Variants in ZDHHC6 observed in about 807,000 individuals in gnomAD.
ZDHHC6 encodes zDHHC palmitoyltransferase 6.
ZDHHC6 carries 32 observed loss-of-function variants against 57.8 expected under a neutral mutation model. The observed-to-expected ratio is 0.55, with a 90% CI of 0.42 to 0.74. ZDHHC6 has a LOEUF of 0.74. ZDHHC6 is among the 30% of genes least tolerant of loss of function. ZDHHC6 has a pLI of 0.00. For missense variants in ZDHHC6, 433 were observed against 500.7 expected (o/e 0.86, Z 1.29); for synonymous variants, 128 against 158.0 (o/e 0.81, Z 1.42).
In ZDHHC6 at chr10:112,440,513, T is replaced by A. The variant is rs765509993; in HGVS notation, c.681+21A>T. 4 of 1,608,262 alleles carry A rather than the reference T, an allele frequency of 2.5e-6. No individual in the cohort carries two copies. The South Asian group carries it at 3.3e-5, about 13-fold the overall frequency. On this transcript the variant is annotated intron_variant, in intron 5 of 10. Transcript: ENST00000369405. ...TCCCAACAACTTGACACTTTTGACT[T>A]GAGGTAATTGAGATGCTTACCTGGA... is the stretch of plus-strand genomic sequence containing the variant.
At chr10:112,433,628 T>TTTTTTC (rs1845245807) in intron 7 of ZDHHC6, 1 of 204,532 alleles carries the variant, frequency 4.9e-6, no homozygotes, top group South Asian at 1.9e-4. Context: ...TGTAGAGACA[T>TTTTTTC]GGCAGACAAA....
chr10:112,433,705 T>C (rs1845256374), intron 7 of ZDHHC6: 1 of 157,560 alleles, frequency 6.3e-6, no homozygotes, highest in South Asian at 2.0e-4. Flanking sequence ...ATAACTTAAT[T>C]TGACATAGCT....
downstream of ZDHHC6, chr10:112,426,693 C>T: frequency 9.3e-7 from 1 of 1,076,210 alleles, no homozygotes; most frequent in Non-Finnish European, 1.4e-6. Flanking sequence ...TGCTTTCATA[C>T]TGCATGGCTT....
rs1159350843 is a variant in ZDHHC6, at chr10:112,440,703, A to C, written c.520-8T>G. ...GTTCCACCCAAAGGAGAGCTATCGC[A>C]GCAACAATAGCACACGCACAAAATG... is the stretch of plus-strand genomic sequence containing the variant. On this transcript the variant is annotated splice_polypyrimidine_tract_variant and splice_region_variant and intron_variant, in intron 4 of 10. Coordinates refer to ENST00000369405, the MANE Select transcript of ZDHHC6 (RefSeq NM_022494.3). The C allele has an allele frequency of 5.6e-6, 9 of 1,609,478 alleles. No individual in the cohort carries two copies. The highest frequency in any genetic ancestry group is 7.6e-6 in the Non-Finnish European group (9 of 1,177,092).
Position 112,430,771 on chromosome 10 carries a change from C to T in ZDHHC6, c.*33G>A. 6.4e-7 allele frequency: 1 copy of T among 1,570,960 alleles called. No homozygotes were observed. Among genetic ancestry groups the T allele is most frequent in the South Asian group, 1.1e-5 (1 of 87,324 alleles). The stretch of plus-strand genomic sequence containing the variant: ...TATGTACAATTTTCAAGTAATTAAG[C>T]AGACTTAAAGGATAATTTTGTTTTA... On this transcript the variant is annotated 3_prime_UTR_variant, in exon 11 of 11. Coordinates refer to ENST00000369405, the MANE Select transcript of ZDHHC6 (RefSeq NM_022494.3).
downstream of ZDHHC6, chr10:112,428,533 AGGCCGAGGC>A: frequency 2.5e-6 from 1 of 395,468 alleles, no homozygotes; most frequent in Non-Finnish European, 4.5e-6. Context: ...GCACTTTGGG[AGGCCGAGGC>A]GGACGGATCA....
chr10:112,433,195 C>T, intron 8 of ZDHHC6, 45 bp downstream of exon 8: 2 of 1,514,960 alleles, frequency 1.3e-6, no homozygotes, highest in South Asian at 1.3e-5. Context: ...AAGTACAGAG[C>T]CTAACAAAAG....
chr10:112,429,676 T>C (rs1019647263), downstream of ZDHHC6, among the ~76,000 whole-genome samples: 1 of 152,242 alleles, frequency 6.6e-6, no homozygotes, highest in Admixed American at 6.5e-5. Context: ...GCTTGGATCC[T>C]ACCACTCACA....
In ZDHHC6 at chr10:112,434,137, T is replaced by C. The variant is rs75129338; in HGVS notation, c.903+160A>G. 2.1e-3 allele frequency among the ~76,000 whole-genome samples: 326 copies of C among 152,292 alleles called. 8 individuals carry two copies. The East Asian group carries it at 0.053, about 25-fold the overall frequency. On this transcript the variant is annotated intron_variant, in intron 7 of 10. Transcript: ENST00000369405. ...AAGGAGATATTGAAATAAAGGGAGATACATGATACAAGGAGTGCTTTAGAA... is the reference window on the plus strand; with the variant it reads ...AAGGAGATATTGAAATAAAGGGAGACACATGATACAAGGAGTGCTTTAGAA...
intron 8 of ZDHHC6, among the ~76,000 whole-genome samples, chr10:112,432,977 T>C (rs1417345644): frequency 6.6e-6 from 1 of 152,216 alleles, no homozygotes; most frequent in Admixed American, 6.5e-5. Context: ...GTTGTAAGGA[T>C]AGGTTTCACA....
Position 112,430,743 on chromosome 10 carries a change from T to C in ZDHHC6, c.*61A>G, listed in dbSNP as rs916622942. 5 of 1,441,758 alleles carry C rather than the reference T, an allele frequency of 3.5e-6. No homozygotes were observed. In the South Asian group the frequency reaches 3.7e-5, roughly 11 times the overall value. 89.3% of individuals were successfully genotyped at this position (1,441,758 alleles called of 1,614,324 possible). On this transcript the variant is annotated 3_prime_UTR_variant, in exon 11 of 11. Transcript: ENST00000369405. ...GTAGGCTCATTGCATAATTCTTTAG[T>C]AATATGTACAATTTTCAAGTAATTA... is the stretch of plus-strand genomic sequence containing the variant.
chr10:112,427,202 T>C, downstream of ZDHHC6: 1 of 1,606,332 alleles, frequency 6.2e-7, no homozygotes, highest in Non-Finnish European at 8.5e-7. Flanking sequence ...TGGATGTGTG[T>C]GTGTTCATCT....
upstream of ZDHHC6, chr10:112,447,319 C>T (rs1846878812): frequency 2.0e-5 from 32 of 1,571,386 alleles, no homozygotes; most frequent in Admixed American, 3.6e-5. Flanking sequence ...CGCTGCCCCT[C>T]GAGGCCCTTT....
intron 6 of ZDHHC6, among the ~76,000 whole-genome samples, chr10:112,435,491 A>C (rs1845440113): frequency 6.6e-6 from 1 of 152,206 alleles, no homozygotes. Context: ...AAAACAAACA[A>C]AAAAATGTTA....
Position 112,432,237 on chromosome 10 carries a change from T to C in ZDHHC6, c.1138+3A>G. On this transcript the variant is annotated splice_donor_region_variant and intron_variant, in intron 10 of 10. Coordinates refer to ENST00000369405, the MANE Select transcript of ZDHHC6 (RefSeq NM_022494.3). The stretch of plus-strand genomic sequence containing the variant: ...CTTTAAACATGCCCTTCCATTTCCA[T>C]ACCTTCTATAAAGGAATCATCAAGA... 1.9e-6 allele frequency: 3 copies of C among 1,599,472 alleles called. No individual in the cohort carries two copies. Among genetic ancestry groups the C allele is most frequent in the Non-Finnish European group, 2.6e-6 (3 of 1,176,170 alleles).
At chr10:112,436,368 T>C (rs950666268) in intron 6 of ZDHHC6, among the ~76,000 whole-genome samples, 1 of 152,082 alleles carries the variant, frequency 6.6e-6, no homozygotes, top group African/African-American at 2.4e-5. Context: ...CCCAGCTACT[T>C]GGGAGGCTAA....
upstream of ZDHHC6, chr10:112,447,491 G>T (rs372850454): frequency 7.5e-6 from 12 of 1,610,436 alleles, no homozygotes; most frequent in South Asian, 8.8e-5. Context: ...CCGGCTGGAC[G>T]AGGGTGCTGG....
chr10:112,427,393 C>T (rs1323992653), downstream of ZDHHC6: 4 of 1,549,492 alleles, frequency 2.6e-6, no homozygotes, highest in African/African-American at 4.2e-5. Flanking sequence ...GCCCACTGTG[C>T]ACTGCTTGTG....
chr10:112,439,523 T>C (rs1200596699), intron 5 of ZDHHC6, among the ~76,000 whole-genome samples: 1 of 150,242 alleles, frequency 6.7e-6, no homozygotes, highest in Non-Finnish European at 1.5e-5. Flanking sequence ...CCCAGCTACT[T>C]GGCAGGCTGA....
Sources: gnomAD v4.1 joint callset for allele counts (sites outside exome capture counted in the v4.1 genomes callset) on GRCh38, gnomAD v4.1.1 for gene constraint, MANE v1.5 for transcripts, NCBI Gene and HGNC (gene_info 2026-07-23, HGNC 2026-07-21) for gene names.